The following ASCC1 variants were observed in gnomAD, a reference collection of about 807,000 sequenced individuals.
The protein encoded by ASCC1 is activating signal cointegrator 1 complex subunit 1.
A neutral mutation model predicts 46.6 loss-of-function variants in ASCC1; 35 were observed. That is an observed-to-expected ratio of 0.75 (90% CI 0.57 to 0.99). The LOEUF is 0.99. ASCC1 is among the 50% of genes least tolerant of loss of function. The pLI, the probability that ASCC1 is intolerant of heterozygous loss-of-function variation, is 0.00. For synonymous variants in ASCC1, 143 were observed against 146.6 expected (o/e 0.98, Z 0.18); for missense variants, 376 against 428.7 (o/e 0.88, Z 1.09).
intron 5 of ASCC1, among the ~76,000 whole-genome samples, chr10:72,191,579 T>G (rs538963535): frequency 6.6e-6 from 1 of 151,928 alleles, no homozygotes; most frequent in African/African-American, 2.4e-5. Flanking sequence ...GAATCATAGA[T>G]CTAAATATAA....
At chr10:72,204,793 G>C (rs1293267127) in intron 3 of ASCC1, among the ~76,000 whole-genome samples, 1 of 152,204 alleles carries the variant, frequency 6.6e-6, no homozygotes, top group Non-Finnish European at 1.5e-5. Context: ...TTTCCTGTGT[G>C]TTGGGATAGA....
intron 5 of ASCC1, among the ~76,000 whole-genome samples, chr10:72,174,381 A>G (rs1293068911): frequency 1.3e-5 from 2 of 152,220 alleles, no homozygotes; most frequent in Admixed American, 6.5e-5. Flanking sequence ...CTTGGGGAAA[A>G]GGGCAGTAGA....
intron 5 of ASCC1, among the ~76,000 whole-genome samples, chr10:72,172,918 A>G (rs1415553744): frequency 1.5e-5 from 2 of 133,640 alleles, no homozygotes; most frequent in African/African-American, 5.5e-5. Context: ...ATATTTTTAT[A>G]TTATATATTA....
chr10:72,168,089 G>A (rs1850595270), intron 5 of ASCC1, among the ~76,000 whole-genome samples: 1 of 152,220 alleles, frequency 6.6e-6, no homozygotes, highest in African/African-American at 2.4e-5. Flanking sequence ...TACTCAGGAG[G>A]CTGAGGCAGC....
intron 9 of ASCC1, among the ~76,000 whole-genome samples, chr10:72,114,498 C>A (rs564050888): frequency 5.3e-5 from 8 of 151,690 alleles, no homozygotes; most frequent in South Asian, 2.1e-4. Context: ...GGTGGCGGGC[C>A]CCTGTAGTCC....
rs554231970 is a variant in ASCC1, at chr10:72,139,956, C to T, written c.747-6775G>A. Among the ~76,000 whole-genome samples the T allele has an allele frequency of 1.4e-4, 22 of 152,186 alleles. No individual in the cohort carries two copies. The South Asian group carries it at 4.4e-3, about 30-fold the overall frequency. ...ACTATAAAGTAGATTTTGGTAATAA[C>T]ATAAGCAATACAGAGTGTTTCGGGT... On this transcript the variant is annotated intron_variant, in intron 7 of 9. Transcript: ENST00000672957.
chr10:72,117,755 G>T (rs759066399), intron 9 of ASCC1, among the ~76,000 whole-genome samples: 1 of 152,138 alleles, frequency 6.6e-6, no homozygotes. Context: ...ATATATAAAA[G>T]CTATTACAAA....
In ASCC1 at chr10:72,138,600, CTTTTTT is replaced by C. The variant is rs1011535460; in HGVS notation, c.747-5425_747-5420del. ...CTGTTTCCTTTTTCTTTCTTTCTTT[CTTTTTT>C]TTTTTTTTTTTTTTTTTGAGATGGA... On this transcript the variant is annotated intron_variant, in intron 7 of 9. Coordinates refer to ENST00000672957, the MANE Select transcript of ASCC1 (RefSeq NM_001198800.3). Among the ~76,000 whole-genome samples the C allele has an allele frequency of 5.3e-3, 557 of 104,536 alleles. 5 individuals are homozygous for C. Among genetic ancestry groups the C allele is most frequent in the African/African-American group, 0.023 (531 of 23,028 alleles). The allele number at this position is 104,536 out of a possible 152,430, so 68.6% of individuals were successfully genotyped here. A position where few individuals can be genotyped will look rare whatever the true frequency, so the allele number is the denominator to read the frequency against.
chr10:72,158,470 A>G (rs538978141), intron 6 of ASCC1, among the ~76,000 whole-genome samples: 117 of 152,316 alleles, frequency 7.7e-4, no homozygotes, highest in African/African-American at 2.7e-3. Context: ...CTCACAAAGG[A>G]AAGTCACCAG....
chr10:72,113,052 T>C (rs1040345637), intron 9 of ASCC1, among the ~76,000 whole-genome samples: 5 of 152,190 alleles, frequency 3.3e-5, no homozygotes, highest in Middle Eastern at 3.2e-3. Context: ...TTCATAAGAA[T>C]GACATCACAG....
At chr10:72,150,056 G>C (rs985558287) in intron 7 of ASCC1, among the ~76,000 whole-genome samples, 4 of 152,000 alleles carry the variant, frequency 2.6e-5, no homozygotes, top group Non-Finnish European at 5.9e-5. Flanking sequence ...ATGGTGGTGG[G>C]CATCTGTAGT....
intron 7 of ASCC1, among the ~76,000 whole-genome samples, chr10:72,135,903 T>C (rs1846127948): frequency 1.3e-5 from 2 of 151,926 alleles, no homozygotes; most frequent in Admixed American, 1.3e-4. Flanking sequence ...CTGGAGAAAA[T>C]CTGTAGAAAG....
At chr10:72,198,776 GTTTTTCTA>G (rs770921727) in intron 4 of ASCC1, 3 of 433,338 alleles carry the variant, frequency 6.9e-6, no homozygotes, top group Non-Finnish European at 1.4e-5. Context: ...AATACATTTG[GTTTTTCTA>G]TATACTTTAC....
At chr10:72,099,791 G>T (rs1841523295) in intron 9 of ASCC1, among the ~76,000 whole-genome samples, 1 of 152,108 alleles carries the variant, frequency 6.6e-6, no homozygotes, top group South Asian at 2.1e-4. Flanking sequence ...CTGCATTTCA[G>T]CCAGGGCAAC....
chr10:72,121,368 C>T (rs1349454547), intron 9 of ASCC1, among the ~76,000 whole-genome samples: 1 of 151,996 alleles, frequency 6.6e-6, no homozygotes, highest in East Asian at 1.9e-4. Flanking sequence ...TGGTCTTGAA[C>T]TCCTGGCCTC....
chr10:72,110,399 G>A (rs1271571465), intron 9 of ASCC1, among the ~76,000 whole-genome samples: 1 of 152,194 alleles, frequency 6.6e-6, no homozygotes, highest in African/African-American at 2.4e-5. Context: ...TTGTGCCAAG[G>A]CAACAGATTC....
chr10:72,188,190 C>T (rs1172012276), intron 5 of ASCC1, among the ~76,000 whole-genome samples: 1 of 141,492 alleles, frequency 7.1e-6, no homozygotes. Flanking sequence ...ATGATTGTGG[C>T]TCACTGCAGC....
At position 72,196,994 on chromosome 10, in the gene ASCC1, A is replaced by C. The variant is rs759907999; in HGVS notation, c.311-5T>G. ...TTCGATGCTGGCCAGTGATTACTGT[A>C]AACAAAGAAGAAAGGGTAAACTGCT... On this transcript the variant is annotated splice_region_variant and splice_polypyrimidine_tract_variant and intron_variant, in intron 4 of 9. Transcript: ENST00000672957. 1 of 1,613,552 alleles carries C rather than the reference A, an allele frequency of 6.2e-7. No individual in the cohort carries two copies.
intron 5 of ASCC1, among the ~76,000 whole-genome samples, chr10:72,186,662 T>C (rs1230232562): frequency 4.6e-5 from 7 of 152,174 alleles, no homozygotes; most frequent in Non-Finnish European, 1.0e-4. Context: ...ATCTCTTCCA[T>C]ATAATCTAGA....
Sources: allele counts gnomAD v4.1 joint callset (sites outside exome capture counted in the v4.1 genomes callset), GRCh38; gene constraint gnomAD v4.1.1; transcripts MANE v1.5; gene names NCBI Gene and HGNC (gene_info 2026-07-23, HGNC 2026-07-21).